Variants in BTC observed in about 807,000 individuals in gnomAD.
BTC encodes betacellulin.
Under a neutral mutation model 18.1 loss-of-function variants are expected in BTC, and 13 were observed. That is an observed-to-expected ratio of 0.72 (90% CI 0.47 to 1.14). BTC has a LOEUF of 1.14. Ranked by LOEUF, BTC falls within the 50% of genes most tolerant of loss-of-function variation. The pLI is 0.00. For synonymous variants in BTC, 83 were observed against 79.4 expected, an observed-to-expected ratio of 1.05 and a Z score of -0.24; for missense variants, 247 against 224.2, an observed-to-expected ratio of 1.10 and a Z score of -0.65.
intron 1 of BTC, among the ~76,000 whole-genome samples, chr4:74,792,467 C>T (rs1725658823): frequency 6.6e-6 from 1 of 152,208 alleles, no homozygotes; most frequent in South Asian, 2.1e-4. Flanking sequence ...ATCAGGTCCT[C>T]TGGCCCACAG....
intron 2 of BTC, among the ~76,000 whole-genome samples, chr4:74,763,254 A>G (rs2109892614): frequency 6.6e-6 from 1 of 152,320 alleles, no homozygotes. Context: ...CTTCCACCAA[A>G]TCACTAATGT....
intron 2 of BTC, among the ~76,000 whole-genome samples, chr4:74,759,115 A>G (rs922605956): frequency 1.3e-5 from 2 of 152,146 alleles, no homozygotes; most frequent in Non-Finnish European, 2.9e-5. Context: ...CTAAATATTG[A>G]ACTATGGAAC....
intron 2 of BTC, among the ~76,000 whole-genome samples, chr4:74,758,227 G>T (rs373909236): frequency 6.6e-6 from 1 of 152,220 alleles, no homozygotes; most frequent in African/African-American, 2.4e-5. Flanking sequence ...GGCTGCGAAT[G>T]AAAGTTAGAA....
chr4:74,767,547 T>C (rs1442397525), intron 2 of BTC, among the ~76,000 whole-genome samples: 1 of 152,060 alleles, frequency 6.6e-6, no homozygotes, highest in African/African-American at 2.4e-5. Flanking sequence ...CCAATGACTT[T>C]TTTTTTTACA....
chr4:74,767,028 A>G lies in BTC; in HGVS notation c.163+3030T>C, dbSNP rs543239628. ...GATCAGGAGCAAGACAAGAATGCCC[A>G]GTCTAACCGCTTCTATGCAACATAG... On this transcript the variant is annotated intron_variant, in intron 2 of 5. Transcript: ENST00000395743. 4.1e-4 allele frequency among the ~76,000 whole-genome samples: 62 copies of G among 152,222 alleles called. 1 individual carries two copies. Among genetic ancestry groups the G allele is most frequent in the Admixed American group, 2.5e-3 (38 of 15,274 alleles).
At chr4:74,781,390 T>TGTGTGTGTGTGTGTGTGC (rs1447720717) in intron 1 of BTC, among the ~76,000 whole-genome samples, 20 of 145,030 alleles carry the variant, frequency 1.4e-4, no homozygotes, top group Admixed American at 1.3e-3. Context: ...GTCACGTGTG[T>TGTGTGTGTGTGTGTGTGC]GTGTGTGTGT....
chr4:74,764,621 T>C (rs1724848835), intron 2 of BTC, among the ~76,000 whole-genome samples: 1 of 152,204 alleles, frequency 6.6e-6, no homozygotes, highest in Admixed American at 6.5e-5. Context: ...ATGTGGTTTA[T>C]ATACACCATG....
At chr4:74,763,075 G>T (rs1553957477) in intron 2 of BTC, among the ~76,000 whole-genome samples, 1 of 152,090 alleles carries the variant, frequency 6.6e-6, no homozygotes, top group Admixed American at 6.6e-5. Context: ...TCCACACATA[G>T]ACATGTTGAA....
rs146276012 is a variant in BTC, at chr4:74,781,396, T to TGTGTGTGTGTGCGTGTGC, written c.65-11241_65-11240insGCACACGCACACACACAC. Among the ~76,000 whole-genome samples the TGTGTGTGTGTGCGTGTGC allele has an allele frequency of 9.9e-4, 149 of 151,140 alleles. No homozygotes were observed. The South Asian group carries it at 0.014, about 14-fold the overall frequency. ...TATTCTCTCGTCACGTGTGTGTGTG[T>TGTGTGTGTGTGCGTGTGC]GTGTGTGTGTGTGTGTGTGTGGCTT... On this transcript the variant is annotated intron_variant, in intron 1 of 5. Coordinates refer to ENST00000395743, the MANE Select transcript of BTC (RefSeq NM_001729.4).
Position 74,770,146 on chromosome 4 carries a change from G to T in BTC, c.75C>A (p.Ile25=), listed in dbSNP as rs774152333. ...TCCCATCTGCCACCACACAGTGAAGGATCACTAGACCTTCAAATTCAAAAC... is the reference window on the plus strand; with the variant it reads ...TCCCATCTGCCACCACACAGTGAAGTATCACTAGACCTTCAAATTCAAAAC... ...LLLALALGLV[I]LHCVVADGNS... The change falls in exon 2 of 6, where the codon ATC becomes ATA. Residue 25 remains isoleucine, a synonymous_variant. Coordinates refer to ENST00000395743, the MANE Select transcript of BTC (RefSeq NM_001729.4). The T allele has an allele frequency of 1.9e-6, 3 of 1,611,000 alleles. No individual in the cohort carries two copies. The highest frequency in any genetic ancestry group is 1.3e-5 in the African/African-American group (1 of 74,584).
intron 1 of BTC, among the ~76,000 whole-genome samples, chr4:74,774,724 C>A (rs1264256864): frequency 6.6e-6 from 1 of 151,974 alleles, no homozygotes; most frequent in Non-Finnish European, 1.5e-5. Context: ...GGCTGGCAAG[C>A]ACGTAGGCAA....
intron 3 of BTC, among the ~76,000 whole-genome samples, chr4:74,755,171 A>C (rs1724566336): frequency 6.6e-6 from 1 of 152,234 alleles, no homozygotes; most frequent in Non-Finnish European, 1.5e-5. Flanking sequence ...GCAACTGTGC[A>C]GAAGAACATA....
At chr4:74,773,630 T>TA (rs397994020) in intron 1 of BTC, among the ~76,000 whole-genome samples, 1 of 151,562 alleles carries the variant, frequency 6.6e-6, no homozygotes, top group African/African-American at 2.4e-5. Context: ...TTTTTTTTTT[T>TA]AGACAGAGTC....
intron 1 of BTC, among the ~76,000 whole-genome samples, chr4:74,789,277 G>A (rs898554537): frequency 1.3e-5 from 2 of 152,170 alleles, no homozygotes; most frequent in African/African-American, 4.8e-5. Flanking sequence ...TAATAGTGGT[G>A]ACTATTATGG....
chr4:74,767,238 G>A (rs1724924615), intron 2 of BTC, among the ~76,000 whole-genome samples: 1 of 151,348 alleles, frequency 6.6e-6, no homozygotes, highest in Non-Finnish European at 1.5e-5. Context: ...ATTCAGAAAA[G>A]TTGTAGGATA....
chr4:74,766,204 C>T (rs1185809554), intron 2 of BTC, among the ~76,000 whole-genome samples: 1 of 151,902 alleles, frequency 6.6e-6, no homozygotes, highest in Non-Finnish European at 1.5e-5. Flanking sequence ...TGGCCTAGGA[C>T]GTTATCATAA....
At chr4:74,780,708 CA>C (rs1349113407) in intron 1 of BTC, among the ~76,000 whole-genome samples, 1 of 151,952 alleles carries the variant, frequency 6.6e-6, no homozygotes, top group East Asian at 1.9e-4. Flanking sequence ...GTCTTTAATG[CA>C]AAAACTAAGC....
intron 1 of BTC, among the ~76,000 whole-genome samples, chr4:74,794,058 T>C (rs1725704975): frequency 1.3e-5 from 2 of 152,194 alleles, no homozygotes; most frequent in South Asian, 4.1e-4. Context: ...GTCTAGGGAC[T>C]GCCTCCAGCA....
At chr4:74,781,933 A>G (rs571403882) in intron 1 of BTC, among the ~76,000 whole-genome samples, 6 of 152,202 alleles carry the variant, frequency 3.9e-5, no homozygotes, top group Admixed American at 6.5e-5. Flanking sequence ...AGTCACAGAC[A>G]TGACCAAAAA....
Sources: allele counts gnomAD v4.1 joint callset (sites outside exome capture counted in the v4.1 genomes callset), GRCh38; gene constraint gnomAD v4.1.1; transcripts MANE v1.5; gene names NCBI Gene and HGNC (gene_info 2026-07-23, HGNC 2026-07-21).